FBXW7: variants seen among roughly 807,000 people sequenced by gnomAD.
FBXW7 encodes the protein F-box and WD repeat domain containing 7, also known as F-box/WD repeat-containing protein 7.
Under a neutral mutation model 86.3 loss-of-function variants are expected in FBXW7, and 11 were observed. The ratio of observed to expected loss-of-function variants is 0.13; its 90% CI spans 0.08 to 0.21. The LOEUF is 0.21. FBXW7 is among the 10% of genes least tolerant of loss of function. FBXW7 has a pLI of 1.00. For synonymous variants in FBXW7, 313 were observed against 297.9 expected (o/e 1.05, Z -0.52); for missense variants, 488 against 847.4 (o/e 0.58, Z 5.27).
chr4:152,360,807 A>G (rs1732864924), intron 4 of FBXW7, among the ~76,000 whole-genome samples: 1 of 149,984 alleles, frequency 6.7e-6, no homozygotes, highest in Admixed American at 6.7e-5. Flanking sequence ...CATAGAGAAA[A>G]GCCTAGAAAA....
intron 2 of FBXW7, among the ~76,000 whole-genome samples, chr4:152,477,198 T>G (rs1744492998): frequency 6.6e-6 from 1 of 152,100 alleles, no homozygotes; most frequent in Non-Finnish European, 1.5e-5. Flanking sequence ...AGCTTGCAAG[T>G]AGGGTAAAAT....
At chr4:152,416,341 T>C (rs1023710897) in intron 2 of FBXW7, among the ~76,000 whole-genome samples, 2 of 152,208 alleles carry the variant, frequency 1.3e-5, no homozygotes, top group Non-Finnish European at 2.9e-5. Flanking sequence ...TGTAGTACTT[T>C]TGAAACTGGT....
Position 152,328,293 on chromosome 4 carries a change from C to T in FBXW7, c.1333G>A (p.Val445Met), listed in dbSNP as rs776371212. 1 of 1,600,746 alleles carries T rather than the reference C, an allele frequency of 6.2e-7. No homozygotes were observed. The highest frequency in any genetic ancestry group is 8.5e-7 in the Non-Finnish European group (1 of 1,174,444). ...ISGSTDRTLK[V>M]WNAETGECIH... Reference sequence around the variant, plus strand: ...CATTCTCCAGTCTCTGCATTCCACACTTTGAGTGTCCGATCTGTAGATCCA... The same window carrying T: ...CATTCTCCAGTCTCTGCATTCCACATTTTGAGTGTCCGATCTGTAGATCCA... The change falls in exon 11 of 14, where the codon GTG becomes ATG. Residue 445 changes from valine (V) to methionine (M), a missense_variant. Coordinates refer to ENST00000281708, the MANE Select transcript of FBXW7 (RefSeq NM_001349798.2).
intron 4 of FBXW7, among the ~76,000 whole-genome samples, chr4:152,399,832 C>T (rs1019580400): frequency 6.6e-6 from 1 of 152,090 alleles, no homozygotes; most frequent in Non-Finnish European, 1.5e-5. Flanking sequence ...GAGATATATT[C>T]CATGTTCTTG....
At chr4:152,484,214 C>G (rs1048186634) in intron 2 of FBXW7, among the ~76,000 whole-genome samples, 1 of 151,970 alleles carries the variant, frequency 6.6e-6, no homozygotes, top group Non-Finnish European at 1.5e-5. Context: ...TGATTGGGTT[C>G]CAACATCCAT....
intron 12 of FBXW7, chr4:152,325,081 CTCAA>C (rs1342376765): frequency 7.2e-5 from 11 of 152,074 alleles, no homozygotes; most frequent in South Asian, 2.1e-4. Flanking sequence ...TACCTCTTTT[CTCAA>C]TCAAACAGTT....
chr4:152,483,601 G>A (rs1028648216), intron 2 of FBXW7, among the ~76,000 whole-genome samples: 12 of 152,052 alleles, frequency 7.9e-5, no homozygotes, highest in Admixed American at 6.6e-5. Context: ...ACAAGGCTAA[G>A]GTGGGAAGAT....
At chr4:152,479,334 T>C (rs1744680272) in intron 2 of FBXW7, among the ~76,000 whole-genome samples, 1 of 152,160 alleles carries the variant, frequency 6.6e-6, no homozygotes, top group South Asian at 2.1e-4. Flanking sequence ...AGCTAGTATC[T>C]TGATGTTTTC....
At chr4:152,387,708 CTTT>C (rs34073737) in intron 4 of FBXW7, among the ~76,000 whole-genome samples, 2 of 112,792 alleles carry the variant, frequency 1.8e-5, no homozygotes, top group Non-Finnish European at 3.3e-5. Context: ...CATGGCATAC[CTTT>C]TTTTTTTTTT....
chr4:152,513,736 A>C (rs1232304554), intron 2 of FBXW7, among the ~76,000 whole-genome samples: 1 of 152,256 alleles, frequency 6.6e-6, no homozygotes, highest in South Asian at 2.1e-4. Flanking sequence ...ACTTACCTTT[A>C]TAAAAATAAA....
chr4:152,509,243 A>G (rs1560982965), intron 2 of FBXW7, among the ~76,000 whole-genome samples: 1 of 152,202 alleles, frequency 6.6e-6, no homozygotes, highest in Non-Finnish European at 1.5e-5. Flanking sequence ...TCAGTATTAC[A>G]TGAATGTTAA....
chr4:152,340,575 C>CAA (rs556530800), intron 6 of FBXW7, among the ~76,000 whole-genome samples: 320 of 31,002 alleles, frequency 0.01, 5 homozygotes, highest in Admixed American at 0.014. Flanking sequence ...AACTCCATCT[C>CAA]AAAAAAAAAA....
chr4:152,485,895 C>T (rs1745293067), intron 2 of FBXW7, among the ~76,000 whole-genome samples: 1 of 152,188 alleles, frequency 6.6e-6, no homozygotes, highest in Non-Finnish European at 1.5e-5. Context: ...TCATGCGTCA[C>T]ATAACCACAG....
At chr4:152,494,506 T>C (rs1746134931) in intron 2 of FBXW7, among the ~76,000 whole-genome samples, 1 of 152,206 alleles carries the variant, frequency 6.6e-6, no homozygotes, top group Non-Finnish European at 1.5e-5. Flanking sequence ...AACTTTTTAC[T>C]GCAGCATTCA....
chr4:152,499,102 C>A (rs1014688496), intron 2 of FBXW7, among the ~76,000 whole-genome samples: 17 of 152,000 alleles, frequency 1.1e-4, no homozygotes, highest in African/African-American at 4.1e-4. Flanking sequence ...AGGAAAAATA[C>A]CTAAGTCTCC....
intron 4 of FBXW7, among the ~76,000 whole-genome samples, chr4:152,380,711 G>A (rs1240985202): frequency 6.6e-6 from 1 of 151,624 alleles, no homozygotes; most frequent in Non-Finnish European, 1.5e-5. Context: ...AACATAATGA[G>A]GCAATCTCCC....
intron 5 of FBXW7, chr4:152,348,767 C>A: frequency 1.1e-6 from 1 of 937,488 alleles, no homozygotes; most frequent in Admixed American, 3.0e-5. Flanking sequence ...ATTTCTCATC[C>A]AAGAAATACT....
chr4:152,408,055 C>G (rs1237296718), intron 4 of FBXW7, among the ~76,000 whole-genome samples: 3 of 151,754 alleles, frequency 2.0e-5, no homozygotes, highest in East Asian at 1.9e-4. Flanking sequence ...TGGATAAAAA[C>G]GATTTAATTA....
chr4:152,329,543 G>A (rs1410519567), intron 10 of FBXW7, 129 bp downstream of exon 10: 1 of 469,216 alleles, frequency 2.1e-6, no homozygotes, highest in Non-Finnish European at 3.7e-6. Flanking sequence ...GCTAAGTTAT[G>A]AGCTCTGATA....
Sources: gnomAD v4.1 joint callset for allele counts (sites outside exome capture counted in the v4.1 genomes callset) on GRCh38, gnomAD v4.1.1 for gene constraint, MANE v1.5 for transcripts, NCBI Gene and HGNC (gene_info 2026-07-23, HGNC 2026-07-21) for gene names.